FBXL7: variants seen among roughly 807,000 people sequenced by gnomAD.
FBXL7 encodes F-box and leucine rich repeat protein 7, also known as F-box/LRR-repeat protein 7.
FBXL7 carries 12 observed loss-of-function variants against 38.3 expected under a neutral mutation model. The observed-to-expected ratio is 0.31, with a 90% CI of 0.20 to 0.51. FBXL7 has a LOEUF of 0.51. Ranked by LOEUF, FBXL7 falls within the 20% of genes least tolerant of loss-of-function variation. The pLI, the probability that FBXL7 is intolerant of heterozygous loss-of-function variation, is 0.98. For missense variants in FBXL7, 567 were observed against 676.4 expected (o/e 0.84, Z 1.79); for synonymous variants, 297 against 300.9 (o/e 0.99, Z 0.13).
intron 2 of FBXL7, among the ~76,000 whole-genome samples, chr5:15,818,509 A>G (rs770340977): frequency 2.5e-4 from 38 of 152,296 alleles, no homozygotes; most frequent in Middle Eastern, 3.4e-3. Flanking sequence ...CTTTTACAAA[A>G]TTTAAAGTTT....
At chr5:15,588,827 A>G (rs529363065) in intron 1 of FBXL7, among the ~76,000 whole-genome samples, 2 of 152,342 alleles carry the variant, frequency 1.3e-5, no homozygotes, top group East Asian at 3.9e-4. Context: ...TTATTAAACT[A>G]TGAGTTTTTG....
intron 2 of FBXL7, among the ~76,000 whole-genome samples, chr5:15,863,535 C>T (rs1286908319): frequency 6.6e-6 from 1 of 152,086 alleles, no homozygotes; most frequent in African/African-American, 2.4e-5. Context: ...GACAAAATTC[C>T]TTTTACTGTC....
intron 2 of FBXL7, among the ~76,000 whole-genome samples, chr5:15,817,436 T>G (rs1450538175): frequency 6.6e-6 from 1 of 152,090 alleles, no homozygotes; most frequent in East Asian, 1.9e-4. Context: ...GATGATCAAA[T>G]AGGTGAGAAA....
chr5:15,564,532 C>T (rs1054301282), intron 1 of FBXL7, among the ~76,000 whole-genome samples: 5 of 151,442 alleles, frequency 3.3e-5, no homozygotes, highest in Admixed American at 1.3e-4. Flanking sequence ...TAGATATACA[C>T]GCCCAATATT....
At chr5:15,842,210 C>G (rs1385520732) in intron 2 of FBXL7, among the ~76,000 whole-genome samples, 1 of 152,180 alleles carries the variant, frequency 6.6e-6, no homozygotes. Flanking sequence ...GGCAGCCCAC[C>G]TCTTGCATCA....
At position 15,608,152 on chromosome 5, in the gene FBXL7, T is replaced by C. The variant is rs187869999; in HGVS notation, c.38-7831T>C. On this transcript the variant is annotated intron_variant, in intron 1 of 3. Coordinates refer to ENST00000504595, the MANE Select transcript of FBXL7 (RefSeq NM_012304.5). Reference sequence around the variant, plus strand: ...TAAAATAATTATTTTAAATTTCCTTTCTTAATTTGTGATATAAATTGAAAT... The same window carrying C: ...TAAAATAATTATTTTAAATTTCCTTCCTTAATTTGTGATATAAATTGAAAT... 3.3e-3 allele frequency among the ~76,000 whole-genome samples: 498 copies of C among 152,334 alleles called. 3 individuals carry two copies. Among genetic ancestry groups the C allele is most frequent in the African/African-American group, 0.011 (468 of 41,576 alleles).
At chr5:15,566,888 T>TCAGTGTACTGAC (rs747485873) in intron 1 of FBXL7, among the ~76,000 whole-genome samples, 39 of 152,198 alleles carry the variant, frequency 2.6e-4, no homozygotes, top group Non-Finnish European at 4.6e-4. Context: ...TTTGTACCTG[T>TCAGTGTACTGAC]AGAAAGATTG....
chr5:15,874,993 A>C (rs553312933), intron 2 of FBXL7, among the ~76,000 whole-genome samples: 78 of 152,344 alleles, frequency 5.1e-4, no homozygotes, highest in Non-Finnish European at 1.0e-3. Flanking sequence ...TGGAGGCATC[A>C]CGCTACCTGA....
chr5:15,547,808 C>T lies in FBXL7; in HGVS notation c.37+47095C>T, dbSNP rs117020642. ...GATGGTGTATCCCCAGCACATCCTA[C>T]AGTTATTCTTGTCAACTACTAGTAA... is the stretch of plus-strand genomic sequence containing the variant. On this transcript the variant is annotated intron_variant, in intron 1 of 3. Transcript: ENST00000504595. Among the ~76,000 whole-genome samples the T allele has an allele frequency of 1.3e-4, 20 of 152,300 alleles. No individual in the cohort carries two copies. In the East Asian group the frequency reaches 3.9e-3, roughly 29 times the overall value.
intron 2 of FBXL7, among the ~76,000 whole-genome samples, chr5:15,780,412 C>T (rs1736963803): frequency 6.6e-6 from 1 of 152,096 alleles, no homozygotes; most frequent in Non-Finnish European, 1.5e-5. Flanking sequence ...CAGAATATGT[C>T]ATAATTTGAA....
chr5:15,785,854 A>G (rs996881086), intron 2 of FBXL7, among the ~76,000 whole-genome samples: 3 of 152,248 alleles, frequency 2.0e-5, no homozygotes, highest in Admixed American at 1.3e-4. Flanking sequence ...GTTGTCTGCT[A>G]TAACTTTGCA....
chr5:15,674,688 C>T (rs1742593888), intron 2 of FBXL7, among the ~76,000 whole-genome samples: 1 of 152,134 alleles, frequency 6.6e-6, no homozygotes, highest in Admixed American at 6.6e-5. Context: ...AGAATCCTTC[C>T]TCCCCCTAAA....
At chr5:15,920,373 G>C (rs919804411) in intron 2 of FBXL7, among the ~76,000 whole-genome samples, 7 of 152,144 alleles carry the variant, frequency 4.6e-5, no homozygotes, top group African/African-American at 9.7e-5. Flanking sequence ...ATAAACAAAC[G>C]GTCTCTTTTG....
At chr5:15,658,783 T>G (rs755777013) in intron 2 of FBXL7, among the ~76,000 whole-genome samples, 1 of 152,144 alleles carries the variant, frequency 6.6e-6, no homozygotes, top group Non-Finnish European at 1.5e-5. Context: ...TTCCATACAA[T>G]GTCTGAAATC....
At chr5:15,870,653 T>A (rs1245988317) in intron 2 of FBXL7, among the ~76,000 whole-genome samples, 2 of 152,232 alleles carry the variant, frequency 1.3e-5, no homozygotes, top group African/African-American at 4.8e-5. Context: ...TATGTAGTTA[T>A]ATCACTTGTA....
At chr5:15,536,478 A>C (rs1328492282) in intron 1 of FBXL7, among the ~76,000 whole-genome samples, 1 of 152,220 alleles carries the variant, frequency 6.6e-6, no homozygotes, top group Admixed American at 6.5e-5. Context: ...ATCTTGCATC[A>C]GTGTGCCCTG....
intron 2 of FBXL7, among the ~76,000 whole-genome samples, chr5:15,670,806 A>C (rs913002188): frequency 6.7e-6 from 1 of 148,820 alleles, no homozygotes; most frequent in African/African-American, 2.4e-5. Context: ...CACTCAAAAA[A>C]AATAAAAATA....
intron 2 of FBXL7, among the ~76,000 whole-genome samples, chr5:15,618,085 GA>G (rs747298183): frequency 2.0e-5 from 3 of 152,016 alleles, no homozygotes; most frequent in Non-Finnish European, 2.9e-5. Context: ...TCCAAAGGGG[GA>G]AAAAATCTCT....
intron 1 of FBXL7, among the ~76,000 whole-genome samples, chr5:15,506,175 G>C (rs1315759745): frequency 6.6e-6 from 1 of 151,264 alleles, no homozygotes; most frequent in African/African-American, 2.4e-5. Context: ...TGACTTCTTG[G>C]TCTATTTTAA....
Sources: allele counts gnomAD v4.1 joint callset (sites outside exome capture counted in the v4.1 genomes callset), GRCh38; gene constraint gnomAD v4.1.1; transcripts MANE v1.5; gene names NCBI Gene and HGNC (gene_info 2026-07-23, HGNC 2026-07-21).